The following LIM2 variants were observed in gnomAD, a reference collection of about 807,000 sequenced individuals.
LIM2 encodes lens fiber membrane intrinsic protein.
A neutral mutation model predicts 19.0 loss-of-function variants in LIM2; 14 were observed. The observed-to-expected ratio is 0.74, with a 90% CI of 0.49 to 1.15. The LOEUF is 1.15. Ranked by LOEUF, LIM2 falls within the 50% of genes most tolerant of loss-of-function variation. LIM2 has a pLI of 0.00. For synonymous variants in LIM2, 78 were observed against 89.6 expected, an observed-to-expected ratio of 0.87 and a Z score of 0.73; for missense variants, 230 against 243.5, an observed-to-expected ratio of 0.94 and a Z score of 0.37.
intron 2 of LIM2, 137 bp from the exon 3 acceptor site, chr19:51,382,704 C>T: frequency 8.5e-7 from 1 of 1,180,968 alleles, no homozygotes; most frequent in Non-Finnish European, 1.2e-6. Flanking sequence ...CAAATGCCCT[C>T]TTCTTCACCT....
At chr19:51,382,677 C>T (rs1413632075) in intron 2 of LIM2, 110 bp from the exon 3 acceptor site, 2 of 1,430,808 alleles carry the variant, frequency 1.4e-6, no homozygotes, top group Admixed American at 3.6e-5. Context: ...TAACCCAGCT[C>T]ATCCTTCCCT....
intron 2 of LIM2, 107 bp downstream of exon 2, chr19:51,387,162 C>T: frequency 6.2e-7 from 1 of 1,611,060 alleles, no homozygotes; most frequent in East Asian, 2.2e-5. Context: ...CTCCCTTTCC[C>T]TCTTTGAGCC....
chr19:51,380,287 A>T (rs772102036), intron 4 of LIM2, 25 bp from the exon 5 acceptor site: 1 of 1,609,588 alleles, frequency 6.2e-7, no homozygotes, highest in South Asian at 1.1e-5. Flanking sequence ...GTTCAAATTC[A>T]CCCCCTCAAA....
At chr19:51,386,713 T>TAAG (rs34736652) in intron 2 of LIM2, among the ~76,000 whole-genome samples, 1 of 108,774 alleles carries the variant, frequency 9.2e-6, no homozygotes, top group Admixed American at 1.1e-4. Context: ...TGTATATTAT[T>TAAG]GTCTATATGT....
intron 3 of LIM2, 108 bp from the exon 4 acceptor site, chr19:51,380,747 T>G (rs1599860649): frequency 9.3e-6 from 11 of 1,187,100 alleles, no homozygotes; most frequent in Admixed American, 4.9e-5. Flanking sequence ...GGGAAAGGGG[T>G]GGAAATGGGT....
intron 3 of LIM2, 91 bp from the exon 4 acceptor site, chr19:51,380,730 A>G (rs1986874584): frequency 7.5e-6 from 11 of 1,465,652 alleles, no homozygotes; most frequent in Non-Finnish European, 9.4e-6. Context: ...GGTGGGAACT[A>G]AGATTGGGGA....
In LIM2 at chr19:51,382,491, C is replaced by T; in HGVS notation, c.252G>A (p.Met84Ile). Reference sequence around the variant, plus strand: ...AGAAGGTAGGCTGATGAGCGAAGGCCATGATGCCCATGATGATGCCGGAGA... The same window carrying T: ...AGAAGGTAGGCTGATGAGCGAAGGCTATGATGCCCATGATGATGCCGGAGA... Reference protein sequence around the residue: ...CAISGIIMGIMAFAHQPTFSR... With the variant: ...CAISGIIMGIIAFAHQPTFSR... Residue 84 changes from methionine (M) to isoleucine (I), a missense_variant, in exon 3 of 5, where the codon ATG becomes ATA. Met to Ile is a conservative substitution (Grantham distance 10). Coordinates refer to ENST00000596399, the MANE Select transcript of LIM2 (RefSeq NM_001161748.2). 6.2e-7 allele frequency: 1 copy of T among 1,613,956 alleles called. No homozygotes were observed. Among genetic ancestry groups the T allele is most frequent in the Non-Finnish European group, 8.5e-7 (1 of 1,179,944 alleles).
At position 51,382,462 on chromosome 19, in the gene LIM2, C is replaced by T. The variant is rs770425768; in HGVS notation, c.281G>A (p.Arg94His). The change falls in exon 3 of 5, where the codon CGC (arginine) becomes CAC (histidine). Residue 94 changes from arginine (R) to histidine (H), a missense_variant. Coordinates refer to ENST00000596399, the MANE Select transcript of LIM2 (RefSeq NM_001161748.2). ...GCCAGCAGAGAAGGGCCGGGAGATG[C>T]GGGAGAAGGTAGGCTGATGAGCGAA... ...MAFAHQPTFS[R>H]ISRPFSAGIM... is the part of the protein sequence containing the mutation. The T allele has an allele frequency of 1.0e-4, 166 of 1,613,832 alleles. No individual in the cohort carries two copies. Among genetic ancestry groups the T allele is most frequent in the African/African-American group, 3.5e-4 (26 of 74,930 alleles).
At chr19:51,382,317 T>TGAGGAG (rs1986915471) in intron 3 of LIM2, 101 bp downstream of exon 3, 1 of 1,358,142 alleles carries the variant, frequency 7.4e-7, no homozygotes, top group African/African-American at 1.6e-5. Context: ...GGGTTGAGTG[T>TGAGGAG]GAGGAGGAGT....
chr19:51,385,257 C>G (rs1272306825), intron 2 of LIM2, among the ~76,000 whole-genome samples: 2 of 152,142 alleles, frequency 1.3e-5, no homozygotes, highest in Non-Finnish European at 2.9e-5. Context: ...TTCGGTGGCT[C>G]ATGCCTATAA....
intron 2 of LIM2, among the ~76,000 whole-genome samples, chr19:51,386,046 T>C (rs1187630907): frequency 6.6e-6 from 1 of 152,176 alleles, no homozygotes; most frequent in Middle Eastern, 3.2e-3. Flanking sequence ...ACATAGGGCA[T>C]AGTAAGCACT....
At position 51,380,021 on chromosome 19, in the gene LIM2, G is replaced by T; in HGVS notation, c.*180C>A. On this transcript the variant is annotated 3_prime_UTR_variant, in exon 5 of 5. Transcript: ENST00000596399. ...TGAGTCTTCTCAGCTCCCTCCCATG[G>T]GCCCTATTCTTCCTCCTTCCAGCCT... The T allele has an allele frequency of 1.6e-6, 1 of 643,384 alleles. No individual in the cohort carries two copies. The highest frequency in any genetic ancestry group is 2.7e-5 in the East Asian group (1 of 36,666). 39.9% of individuals were successfully genotyped at this position (643,384 alleles called of 1,614,324 possible).
chr19:51,387,155 C>T (rs751042734), intron 2 of LIM2, 114 bp downstream of exon 2: 7 of 1,606,692 alleles, frequency 4.4e-6, no homozygotes, highest in Non-Finnish European at 6.0e-6. Context: ...TGGGTTGCTC[C>T]CTTTCCCTCT....
intron 2 of LIM2, 197 bp downstream of exon 2, chr19:51,387,072 C>T: frequency 4.0e-6 from 4 of 994,564 alleles, no homozygotes; most frequent in Non-Finnish European, 6.3e-6. Context: ...ACCTTCAAAC[C>T]AGCACCCCGT....
intron 2 of LIM2, chr19:51,387,014 G>T: frequency 1.4e-6 from 1 of 722,654 alleles, no homozygotes; most frequent in Non-Finnish European, 2.5e-6. Flanking sequence ...CCCAATTGCT[G>T]TGCATGACAC....
rs754889587 is a variant in LIM2 at position 51,380,183 on chromosome 19, T to TG, written c.*17dup. The TG allele has an allele frequency of 6.2e-7, 1 of 1,612,802 alleles. No homozygotes were observed. Among genetic ancestry groups the TG allele is most frequent in the South Asian group, 1.1e-5 (1 of 90,900 alleles). On this transcript the variant is annotated 3_prime_UTR_variant, in exon 5 of 5. Transcript: ENST00000596399. ...CCTCACTTTAACTTCCAGATGAAGT[T>TG]GGGGGACACATTTGGGCTCAGCGGG...
Position 51,382,497 on chromosome 19 carries a change from G to A in LIM2, c.246C>T (p.Gly82=), listed in dbSNP as rs749676071. Residue 82 remains glycine, a synonymous_variant, in exon 3 of 5, where the codon GGC becomes GGT. Coordinates refer to ENST00000596399, the MANE Select transcript of LIM2 (RefSeq NM_001161748.2). ...ALCAISGIIM[G]IMAFAHQPTF... ...TAGGCTGATGAGCGAAGGCCATGAT[G>A]CCCATGATGATGCCGGAGATGGCGC... is the stretch of plus-strand genomic sequence containing the variant. 31 of 1,613,874 alleles carry A rather than the reference G, an allele frequency of 1.9e-5. No homozygotes were observed. The highest frequency in any genetic ancestry group is 2.3e-5 in the Non-Finnish European group (27 of 1,179,970).
intron 3 of LIM2, among the ~76,000 whole-genome samples, chr19:51,382,140 A>C (rs1986910526): frequency 6.6e-6 from 1 of 152,220 alleles, no homozygotes. Context: ...CTGAGGTGGA[A>C]GCAGTCTTGC....
At chr19:51,380,321 C>G in intron 4 of LIM2, 59 bp from the exon 5 acceptor site, 1 of 1,592,426 alleles carries the variant, frequency 6.3e-7, no homozygotes, top group Middle Eastern at 1.9e-4. Context: ...CATTTCCACC[C>G]CAAGAGAGCC....
Sources: allele counts gnomAD v4.1 joint callset (sites outside exome capture counted in the v4.1 genomes callset), GRCh38; gene constraint gnomAD v4.1.1; transcripts MANE v1.5; gene names NCBI Gene and HGNC (gene_info 2026-07-23, HGNC 2026-07-21).